Variants in FBXL20 observed in about 807,000 individuals in gnomAD.
FBXL20 encodes the protein F-box/LRR-repeat protein 20.
Under a neutral mutation model 64.0 loss-of-function variants are expected in FBXL20, and 11 were observed. The observed-to-expected ratio is 0.17, with a 90% CI of 0.11 to 0.28. The LOEUF is 0.28. Ranked by LOEUF, FBXL20 falls within the 10% of genes least tolerant of loss-of-function variation. The pLI, the probability that FBXL20 is intolerant of heterozygous loss-of-function variation, is 1.00. For synonymous variants in FBXL20, 184 were observed against 189.0 expected (o/e 0.97, Z 0.22); for missense variants, 303 against 526.2 (o/e 0.58, Z 4.15).
chr17:39,376,811 T>G (rs2047971544), intron 1 of FBXL20, among the ~76,000 whole-genome samples: 1 of 152,052 alleles, frequency 6.6e-6, no homozygotes, highest in African/African-American at 2.4e-5. Context: ...GACCAGCCTG[T>G]GCAACATAGT....
At chr17:39,379,367 A>C (rs919090607) in intron 1 of FBXL20, among the ~76,000 whole-genome samples, 1 of 151,722 alleles carries the variant, frequency 6.6e-6, no homozygotes, top group Admixed American at 6.6e-5. Flanking sequence ...GTGATTCCTT[A>C]AAAAGTCAAA....
At chr17:39,271,370 G>A (rs545901566) in intron 10 of FBXL20, among the ~76,000 whole-genome samples, 2 of 152,216 alleles carry the variant, frequency 1.3e-5, no homozygotes, top group Admixed American at 1.3e-4. Flanking sequence ...GGCCGAGGTG[G>A]GCGGATCACC....
intron 1 of FBXL20, among the ~76,000 whole-genome samples, chr17:39,394,657 C>T (rs1205610471): frequency 6.6e-6 from 1 of 151,690 alleles, no homozygotes; most frequent in East Asian, 1.9e-4. Flanking sequence ...CTTCGCCTCC[C>T]GGTTTCAAGC....
chr17:39,330,184 C>G (rs1389259940), intron 2 of FBXL20, among the ~76,000 whole-genome samples: 1 of 151,942 alleles, frequency 6.6e-6, no homozygotes, highest in Admixed American at 6.6e-5. Flanking sequence ...GTAATCCCAG[C>G]TACTCAGGAG....
At position 39,261,325 on chromosome 17, in the gene FBXL20, G is replaced by A. The variant is rs1017467920; in HGVS notation, c.*135C>T. ...GTATGTGTATGTATGTGTGGCTCTG[G>A]GGATCTGGACACTGCCCTCCCTCAC... On this transcript the variant is annotated 3_prime_UTR_variant, in exon 15 of 15. Coordinates refer to ENST00000264658, the MANE Select transcript of FBXL20 (RefSeq NM_032875.3). The A allele has an allele frequency of 1.4e-6, 1 of 739,878 alleles. No homozygotes were observed. Among genetic ancestry groups the A allele is most frequent in the East Asian group, 2.5e-5 (1 of 39,318 alleles). The allele number at this position is 739,878 out of a possible 1,614,324, so 45.8% of individuals were successfully genotyped here.
intron 2 of FBXL20, among the ~76,000 whole-genome samples, chr17:39,312,177 G>C (rs1433960763): frequency 6.6e-6 from 1 of 152,064 alleles, no homozygotes; most frequent in Non-Finnish European, 1.5e-5. Context: ...AGCACTTTAG[G>C]AGGCCGAGGC....
chr17:39,357,849 A>C (rs1305875552), intron 1 of FBXL20, among the ~76,000 whole-genome samples: 2 of 152,200 alleles, frequency 1.3e-5, no homozygotes, highest in Non-Finnish European at 1.5e-5. Context: ...AGCTTGAAGT[A>C]CTTCCTTTAG....
In FBXL20 at chr17:39,287,979, T is replaced by TC. The variant is rs1180760900; in HGVS notation, c.399-2407_399-2406insG. ...TTCTGTAATGAAAACTTTTTTTTTT[T>TC]TTTTTTTTGAGATGGACTCTGTCAC... On this transcript the variant is annotated intron_variant, in intron 6 of 14. Coordinates refer to ENST00000264658, the MANE Select transcript of FBXL20 (RefSeq NM_032875.3). 2.6e-4 allele frequency among the ~76,000 whole-genome samples: 39 copies of TC among 150,376 alleles called. 1 individual carries two copies. Among genetic ancestry groups the TC allele is most frequent in the African/African-American group, 8.9e-4 (36 of 40,654 alleles).
In FBXL20 at chr17:39,356,835, T is replaced by A. The variant is rs190790330; in HGVS notation, c.43-13594A>T. Among the ~76,000 whole-genome samples the A allele has an allele frequency of 3.6e-4, 55 of 151,262 alleles. 2 individuals are homozygous for A. The East Asian group carries it at 0.011, about 30-fold the overall frequency. Reference sequence around the variant, plus strand: ...CACACCTGGCTAATTTTTTTTTTTTTAATTTTGCAGTAGAGACAAGGTCTC... The same window carrying A: ...CACACCTGGCTAATTTTTTTTTTTTAAATTTTGCAGTAGAGACAAGGTCTC... On this transcript the variant is annotated intron_variant, in intron 1 of 14. Coordinates refer to ENST00000264658, the MANE Select transcript of FBXL20 (RefSeq NM_032875.3).
intron 2 of FBXL20, among the ~76,000 whole-genome samples, chr17:39,338,801 T>C (rs1312275133): frequency 1.3e-5 from 2 of 152,132 alleles, no homozygotes; most frequent in African/African-American, 4.8e-5. Flanking sequence ...AATTTAATTA[T>C]GAGAAAACAA....
At chr17:39,356,792 A>C (rs1344480610) in intron 1 of FBXL20, among the ~76,000 whole-genome samples, 1 of 150,070 alleles carries the variant, frequency 6.7e-6, no homozygotes, top group Non-Finnish European at 1.5e-5. Flanking sequence ...AGAAGCTGGA[A>C]CTACGGGTGC....
intron 6 of FBXL20, 44 bp from the exon 7 acceptor site, chr17:39,285,617 G>A (rs774228180): frequency 2.3e-6 from 3 of 1,292,302 alleles, no homozygotes; most frequent in Admixed American, 2.0e-5. Context: ...AACAAGACAA[G>A]TACACATCCT....
At chr17:39,278,002 T>C (rs1045942939) in intron 9 of FBXL20, among the ~76,000 whole-genome samples, 1 of 149,400 alleles carries the variant, frequency 6.7e-6, no homozygotes, top group African/African-American at 2.6e-5. Flanking sequence ...TTCACTGTGA[T>C]TCCTGCCTGC....
At chr17:39,291,803 T>C (rs138497349) in intron 6 of FBXL20, among the ~76,000 whole-genome samples, 78 of 152,340 alleles carry the variant, frequency 5.1e-4, no homozygotes, top group African/African-American at 1.8e-3. Flanking sequence ...TTAGGCGCAT[T>C]CCACAAATTT....
intron 2 of FBXL20, among the ~76,000 whole-genome samples, chr17:39,339,791 G>A (rs755941349): frequency 4.0e-5 from 6 of 151,676 alleles, no homozygotes; most frequent in East Asian, 1.9e-4. Flanking sequence ...CTACAGGCGC[G>A]CACCACCACA....
chr17:39,377,694 G>C (rs934144132), intron 1 of FBXL20, among the ~76,000 whole-genome samples: 1 of 152,050 alleles, frequency 6.6e-6, no homozygotes, highest in Non-Finnish European at 1.5e-5. Flanking sequence ...AGTGGAGACG[G>C]GGTTTCACCG....
At chr17:39,268,742 A>G (rs2046813829) in intron 12 of FBXL20, 85 bp downstream of exon 12, 1 of 1,167,496 alleles carries the variant, frequency 8.6e-7, no homozygotes. Flanking sequence ...ATCCTACACT[A>G]GGGTAGGGAA....
intron 1 of FBXL20, among the ~76,000 whole-genome samples, chr17:39,352,337 T>C (rs558520954): frequency 3.7e-4 from 56 of 151,948 alleles, no homozygotes; most frequent in Admixed American, 1.3e-3. Flanking sequence ...AAGTCTGGCC[T>C]GGGCAAGATC....
intron 2 of FBXL20, among the ~76,000 whole-genome samples, chr17:39,306,636 C>A (rs2047186018): frequency 6.6e-6 from 1 of 152,160 alleles, no homozygotes; most frequent in Non-Finnish European, 1.5e-5. Context: ...GCCAGTATCA[C>A]ACTATTTTAA....
Sources: allele counts gnomAD v4.1 joint callset (sites outside exome capture counted in the v4.1 genomes callset), GRCh38; gene constraint gnomAD v4.1.1; transcripts MANE v1.5; gene names NCBI Gene and HGNC (gene_info 2026-07-23, HGNC 2026-07-21).